The following CTNNA3 variants were observed in gnomAD, a reference collection of about 807,000 sequenced individuals.
The protein encoded by CTNNA3 is catenin alpha 3, also known as catenin alpha-3.
CTNNA3 carries 76 observed loss-of-function variants against 95.7 expected under a neutral mutation model. The ratio of observed to expected loss-of-function variants is 0.79; its 90% CI spans 0.66 to 0.96. The LOEUF is 0.96. Ranked by LOEUF, CTNNA3 falls within the 40% of genes least tolerant of loss-of-function variation. The probability of loss-of-function intolerance (pLI) is 0.00; values close to 1 mark genes in which losing one functional copy is unlikely to be tolerated. For synonymous variants in CTNNA3, 431 were observed against 374.4 expected, an observed-to-expected ratio of 1.15 and a Z score of -1.74; for missense variants, 1,191 against 1,089.8, an observed-to-expected ratio of 1.09 and a Z score of -1.31.
intron 1 of CTNNA3, among the ~76,000 whole-genome samples, chr10:67,717,795 A>G (rs757741599): frequency 1.9e-4 from 29 of 152,198 alleles, no homozygotes; most frequent in Admixed American, 4.6e-4. Flanking sequence ...TGTCTAGGCT[A>G]TACGGGCTCT....
At chr10:66,460,542 T>C (rs1424453364) in intron 11 of CTNNA3, among the ~76,000 whole-genome samples, 2 of 152,110 alleles carry the variant, frequency 1.3e-5, no homozygotes, top group African/African-American at 4.8e-5. Context: ...CCTGCCCTCC[T>C]ACCCCTCCTA....
chr10:65,944,413 A>G (rs1415207281), intron 17 of CTNNA3, among the ~76,000 whole-genome samples: 1 of 152,238 alleles, frequency 6.6e-6, no homozygotes, highest in Non-Finnish European at 1.5e-5. Flanking sequence ...AAAATGCTAC[A>G]TTGGAAAAAC....
intron 7 of CTNNA3, among the ~76,000 whole-genome samples, chr10:67,147,106 T>A (rs187039769): frequency 3.5e-4 from 53 of 152,282 alleles, no homozygotes; most frequent in Admixed American, 2.4e-3. Flanking sequence ...TGACTATACA[T>A]CCACCTCTTT....
At chr10:67,488,455 G>A (rs1011831863) in intron 5 of CTNNA3, among the ~76,000 whole-genome samples, 3 of 151,512 alleles carry the variant, frequency 2.0e-5, no homozygotes, top group East Asian at 3.9e-4. Context: ...CTGCAACCTC[G>A]GCCTCCCAGG....
chr10:67,096,579 G>T (rs1333854922), intron 7 of CTNNA3, among the ~76,000 whole-genome samples: 1 of 151,822 alleles, frequency 6.6e-6, no homozygotes, highest in Non-Finnish European at 1.5e-5. Context: ...AGGACTGAAG[G>T]TTCCTGAAAT....
At chr10:66,240,121 A>G (rs1489229982) in intron 13 of CTNNA3, among the ~76,000 whole-genome samples, 3 of 151,992 alleles carry the variant, frequency 2.0e-5, no homozygotes, top group Non-Finnish European at 2.9e-5. Context: ...GGTAATTGAT[A>G]TATCAGCATA....
chr10:66,283,798 T>C (rs770330084), intron 12 of CTNNA3, among the ~76,000 whole-genome samples: 16 of 151,914 alleles, frequency 1.1e-4, no homozygotes, highest in Non-Finnish European at 1.9e-4. Context: ...TATGGACATA[T>C]GGTTGCTTGG....
chr10:66,353,644 C>T (rs536870710), intron 12 of CTNNA3, among the ~76,000 whole-genome samples: 80 of 152,114 alleles, frequency 5.3e-4, no homozygotes, highest in Admixed American at 2.5e-3. Context: ...TCTGCCCACT[C>T]AGCCTGCTAG....
intron 5 of CTNNA3, among the ~76,000 whole-genome samples, chr10:67,267,115 T>C (rs1416960376): frequency 1.3e-5 from 2 of 152,112 alleles, no homozygotes; most frequent in Non-Finnish European, 2.9e-5. Context: ...CTGACCCAAA[T>C]TAGTAGGCAC....
intron 7 of CTNNA3, among the ~76,000 whole-genome samples, chr10:67,096,552 G>C (rs1192398627): frequency 6.6e-6 from 1 of 151,830 alleles, no homozygotes; most frequent in Admixed American, 6.6e-5. Flanking sequence ...TAGTAATTAG[G>C]ATATTAAACC....
chr10:66,923,814 G>C (rs906783487), intron 7 of CTNNA3, among the ~76,000 whole-genome samples: 2 of 152,120 alleles, frequency 1.3e-5, no homozygotes, highest in African/African-American at 4.8e-5. Flanking sequence ...TACAAATGTT[G>C]AACATTACAT....
chr10:67,606,734 T>C, intron 3 of CTNNA3, 123 bp downstream of exon 3: 1 of 738,874 alleles, frequency 1.4e-6, no homozygotes, highest in South Asian at 1.9e-5. Context: ...AGCTAGCTCC[T>C]CACAGCTCTG....
chr10:67,147,555 A>C (rs1860903678), intron 7 of CTNNA3, among the ~76,000 whole-genome samples: 1 of 152,242 alleles, frequency 6.6e-6, no homozygotes, highest in South Asian at 2.1e-4. Flanking sequence ...GTAATTGATG[A>C]ACACCTTTAA....
intron 7 of CTNNA3, among the ~76,000 whole-genome samples, chr10:67,094,665 T>C (rs1335003314): frequency 6.6e-6 from 1 of 151,784 alleles, no homozygotes; most frequent in East Asian, 1.9e-4. Flanking sequence ...ACAATACTTA[T>C]AAATTAAAAA....
chr10:67,630,369 C>T (rs1467424938), intron 2 of CTNNA3, among the ~76,000 whole-genome samples: 1 of 152,190 alleles, frequency 6.6e-6, no homozygotes, highest in Admixed American at 6.5e-5. Context: ...CATGATTTAT[C>T]ATGTTCCATT....
chr10:67,642,082 C>T (rs1839555281), intron 2 of CTNNA3, among the ~76,000 whole-genome samples: 1 of 151,304 alleles, frequency 6.6e-6, no homozygotes, highest in Non-Finnish European at 1.5e-5. Context: ...CTATAAAAAC[C>T]CTAGAAGAAA....
Position 66,222,577 on chromosome 10 carries a change from AGAAG to A in CTNNA3, c.1884+57889_1884+57892del, listed in dbSNP as rs1453021791. Among the ~76,000 whole-genome samples the A allele has an allele frequency of 9.5e-4, 143 of 150,484 alleles. 1 individual carries two copies. Among genetic ancestry groups the A allele is most frequent in the East Asian group, 6.8e-3 (35 of 5,114 alleles). ...AAGAAAGAGAGAAAGAAGGAAAGAA[AGAAG>A]GAAAGAAAAAGAAAGAACGAAAGAA... On this transcript the variant is annotated intron_variant, in intron 13 of 17. Transcript: ENST00000433211.
chr10:67,226,948 C>G (rs1315929698), intron 5 of CTNNA3, among the ~76,000 whole-genome samples: 1 of 152,140 alleles, frequency 6.6e-6, no homozygotes, highest in African/African-American at 2.4e-5. Flanking sequence ...TACAGAACCA[C>G]AGAATGCAGA....
chr10:67,195,405 G>A (rs1589848905), intron 6 of CTNNA3, among the ~76,000 whole-genome samples: 2 of 150,986 alleles, frequency 1.3e-5, no homozygotes, highest in East Asian at 3.9e-4. Context: ...GGTTTAAGCT[G>A]CTGAAGCCTT....
Sources: allele counts gnomAD v4.1 joint callset (sites outside exome capture counted in the v4.1 genomes callset), GRCh38; gene constraint gnomAD v4.1.1; transcripts MANE v1.5; gene names NCBI Gene and HGNC (gene_info 2026-07-23, HGNC 2026-07-21).